Variants in BMPR1B observed in about 807,000 individuals in gnomAD.
BMPR1B encodes bone morphogenetic protein receptor type-1B.
Under a neutral mutation model 59.1 loss-of-function variants are expected in BMPR1B, and 12 were observed. The ratio of observed to expected loss-of-function variants is 0.20; its 90% confidence interval spans 0.13 to 0.33. BMPR1B has a LOEUF of 0.33. BMPR1B is among the 10% of genes least tolerant of loss of function. BMPR1B has a pLI of 1.00. For synonymous variants in BMPR1B, 237 were observed against 207.3 expected (o/e 1.14, Z -1.23); for missense variants, 550 against 610.9 (o/e 0.90, Z 1.05).
chr4:95,144,106 C>T (rs996755825), intron 10 of BMPR1B, among the ~76,000 whole-genome samples: 1 of 151,938 alleles, frequency 6.6e-6, no homozygotes, highest in African/African-American at 2.4e-5. Flanking sequence ...CCCCCAGGCT[C>T]TCATTAATTT....
intron 1 of BMPR1B, among the ~76,000 whole-genome samples, chr4:94,775,092 G>GT (rs1279881860): frequency 6.6e-5 from 10 of 152,142 alleles, no homozygotes; most frequent in African/African-American, 2.4e-4. Context: ...AGATATCTGA[G>GT]TTTGTATTCC....
chr4:94,954,417 A>G (rs1730063999), intron 2 of BMPR1B, among the ~76,000 whole-genome samples: 1 of 152,158 alleles, frequency 6.6e-6, no homozygotes. Context: ...TAAACTTTCT[A>G]CCTATGCAAT....
At chr4:94,840,729 T>G (rs1425135151) in intron 1 of BMPR1B, among the ~76,000 whole-genome samples, 3 of 148,092 alleles carry the variant, frequency 2.0e-5, no homozygotes, top group African/African-American at 7.5e-5. Flanking sequence ...TAGCTCAGAG[T>G]AATTTGATCG....
At chr4:95,152,807 A>ACTT in intron 12 of BMPR1B, 34 bp downstream of exon 12, 1 of 1,606,498 alleles carries the variant, frequency 6.2e-7, no homozygotes, top group East Asian at 2.2e-5. Flanking sequence ...GCTGTGACAG[A>ACTT]CTTCTAAATA....
chr4:95,119,267 C>T lies in BMPR1B; in HGVS notation c.349+3480C>T, dbSNP rs564119584. Among the ~76,000 whole-genome samples, 4 of 152,198 alleles carry T rather than the reference C, an allele frequency of 2.6e-5. No individual in the cohort carries two copies. In the East Asian group the frequency reaches 7.7e-4, roughly 29 times the overall value. ...AATGCATTTAAGTTAAGTTTCCAGTCGCAGTCTTAACGTATTTGTGTGTTA... is the reference window on the plus strand; with the variant it reads ...AATGCATTTAAGTTAAGTTTCCAGTTGCAGTCTTAACGTATTTGTGTGTTA... On this transcript the variant is annotated intron_variant, in intron 6 of 12. Coordinates refer to ENST00000515059, the MANE Select transcript of BMPR1B (RefSeq NM_001203.3).
chr4:94,919,485 A>G (rs1225880602), intron 2 of BMPR1B, among the ~76,000 whole-genome samples: 1 of 152,212 alleles, frequency 6.6e-6, no homozygotes, highest in Non-Finnish European at 1.5e-5. Flanking sequence ...CACTAGTAGT[A>G]AATTTTAAAA....
At chr4:94,872,557 T>C (rs1322539504) in intron 1 of BMPR1B, among the ~76,000 whole-genome samples, 2 of 152,098 alleles carry the variant, frequency 1.3e-5, no homozygotes, top group African/African-American at 4.8e-5. Flanking sequence ...ATCTGCTGGG[T>C]TTTTGTGATA....
chr4:94,865,138 T>G (rs949566554), intron 1 of BMPR1B, among the ~76,000 whole-genome samples: 5 of 151,552 alleles, frequency 3.3e-5, no homozygotes, highest in Non-Finnish European at 7.4e-5. Flanking sequence ...GCCTCCCGAG[T>G]AGCTGGGACT....
At chr4:94,870,507 G>A (rs2148967118) in intron 1 of BMPR1B, among the ~76,000 whole-genome samples, 1 of 152,308 alleles carries the variant, frequency 6.6e-6, no homozygotes, top group East Asian at 1.9e-4. Context: ...ATCAGTGCAA[G>A]TTTTGGATTA....
intron 2 of BMPR1B, among the ~76,000 whole-genome samples, chr4:94,960,283 A>G (rs530922633): frequency 1.4e-4 from 22 of 152,282 alleles, no homozygotes; most frequent in Non-Finnish European, 2.6e-4. Context: ...CTTGTTTATC[A>G]TAAGCATAAT....
intron 2 of BMPR1B, among the ~76,000 whole-genome samples, chr4:94,950,857 T>C (rs1004764325): frequency 6.6e-6 from 1 of 152,234 alleles, no homozygotes; most frequent in Non-Finnish European, 1.5e-5. Flanking sequence ...GGGAATAGAA[T>C]TGAATCTATA....
intron 1 of BMPR1B, among the ~76,000 whole-genome samples, chr4:94,835,677 T>A (rs897895583): frequency 4.5e-4 from 69 of 152,318 alleles, no homozygotes; most frequent in African/African-American, 1.6e-3. Context: ...ACTCTACAAT[T>A]TAAAGATTCT....
intron 1 of BMPR1B, among the ~76,000 whole-genome samples, chr4:94,850,322 A>G (rs972017455): frequency 2.0e-5 from 3 of 152,238 alleles, no homozygotes; most frequent in African/African-American, 7.2e-5. Flanking sequence ...AATGAATAGA[A>G]TACAGTTTTC....
rs1001539320 is a variant in BMPR1B at position 95,131,311 on chromosome 4, A to G, written c.875A>G (p.Lys292Arg). 9.9e-6 allele frequency: 16 copies of G among 1,614,026 alleles called. No homozygotes were observed. Among genetic ancestry groups the G allele is most frequent in the Admixed American group, 1.7e-5 (1 of 59,954 alleles). ...AATGGTTCCCTTTATGATTATCTGAAGTCCACCACCCTAGACGCTAAATCA... is the reference window on the plus strand; with the variant it reads ...AATGGTTCCCTTTATGATTATCTGAGGTCCACCACCCTAGACGCTAAATCA... ...HENGSLYDYLKSTTLDAKSML... is the reference protein window; with the variant it reads ...HENGSLYDYLRSTTLDAKSML... Residue 292 changes from lysine to arginine, a missense_variant, in exon 10 of 13, where the codon AAG becomes AGG. Transcript: ENST00000515059.
At chr4:94,897,832 T>C (rs1727642937) in intron 2 of BMPR1B, among the ~76,000 whole-genome samples, 1 of 151,948 alleles carries the variant, frequency 6.6e-6, no homozygotes, top group African/African-American at 2.4e-5. Flanking sequence ...TTATAAGATT[T>C]GATCTGATTT....
In BMPR1B at chr4:95,154,774, T is replaced by TG; in HGVS notation, c.*102dup. On this transcript the variant is annotated 3_prime_UTR_variant, in exon 13 of 13. Coordinates refer to ENST00000515059, the MANE Select transcript of BMPR1B (RefSeq NM_001203.3). The stretch of plus-strand genomic sequence containing the variant: ...AAATAAGCATCCACAGTACAAGCCT[T>TG]GAACATCGTCCTGCTTCCCAGTGGG... 2 of 1,538,442 alleles carry TG rather than the reference T, an allele frequency of 1.3e-6. No homozygotes were observed. The highest frequency in any genetic ancestry group is 1.8e-6 in the Non-Finnish European group (2 of 1,117,832).
chr4:94,849,088 C>G (rs1294809811), intron 1 of BMPR1B, among the ~76,000 whole-genome samples: 1 of 152,126 alleles, frequency 6.6e-6, no homozygotes, highest in Non-Finnish European at 1.5e-5. Flanking sequence ...CCTAAAGCCA[C>G]TAAGTGGTAC....
At chr4:94,763,874 C>G (rs1302632954) in intron 1 of BMPR1B, among the ~76,000 whole-genome samples, 1 of 152,130 alleles carries the variant, frequency 6.6e-6, no homozygotes, top group African/African-American at 2.4e-5. Context: ...AAACTAGCTA[C>G]TTTTCTGTTT....
intron 2 of BMPR1B, among the ~76,000 whole-genome samples, chr4:94,901,971 TATATC>T (rs1727825852): frequency 6.6e-6 from 1 of 151,518 alleles, no homozygotes; most frequent in African/African-American, 2.4e-5. Flanking sequence ...CATATGAAGA[TATATC>T]TGATCTCTGC....
Sources: allele counts gnomAD v4.1 joint callset (sites outside exome capture counted in the v4.1 genomes callset), GRCh38; gene constraint gnomAD v4.1.1; transcripts MANE v1.5; gene names NCBI Gene and HGNC (gene_info 2026-07-23, HGNC 2026-07-21).